Variants in LRRC4C observed in about 807,000 individuals in gnomAD.
The protein encoded by LRRC4C is leucine-rich repeat-containing protein 4C.
LRRC4C carries 5 observed loss-of-function variants against 33.6 expected under a neutral mutation model. That is an observed-to-expected ratio of 0.15 (90% CI 0.08 to 0.31). The LOEUF is 0.31. Ranked by LOEUF, LRRC4C falls within the 10% of genes least tolerant of loss-of-function variation. The pLI is 1.00. For synonymous variants in LRRC4C, 329 were observed against 302.0 expected (o/e 1.09, Z -0.93); for missense variants, 560 against 796.7 (o/e 0.70, Z 3.58).
At chr11:40,338,032 A>T (rs1946706988) in intron 3 of LRRC4C, among the ~76,000 whole-genome samples, 1 of 152,212 alleles carries the variant, frequency 6.6e-6, no homozygotes, top group African/African-American at 2.4e-5. Context: ...AAACTGTGGA[A>T]ATCTTGTTTT....
chr11:40,147,274 C>G (rs961520390), intron 5 of LRRC4C, among the ~76,000 whole-genome samples: 1 of 152,178 alleles, frequency 6.6e-6, no homozygotes, highest in Non-Finnish European at 1.5e-5. Context: ...AAGTTCTACT[C>G]TGTACCCTAT....
At position 40,407,465 on chromosome 11, in the gene LRRC4C, A is replaced by G. The variant is rs573860060; in HGVS notation, c.-269-87744T>C. Among the ~76,000 whole-genome samples, 22 of 152,242 alleles carry G rather than the reference A, an allele frequency of 1.4e-4. No homozygotes were observed. In the South Asian group the frequency reaches 3.7e-3, roughly 26 times the overall value. ...AATTCTTCAGGGAGGTGATGTTTCAATGCATGAGGATCAAAGGAAATCTCC... is the reference window on the plus strand; with the variant it reads ...AATTCTTCAGGGAGGTGATGTTTCAGTGCATGAGGATCAAAGGAAATCTCC... On this transcript the variant is annotated intron_variant, in intron 3 of 6. Coordinates refer to ENST00000528697, the MANE Select transcript of LRRC4C (RefSeq NM_001258419.2).
chr11:40,173,356 G>A (rs555915826), intron 5 of LRRC4C, among the ~76,000 whole-genome samples: 48 of 152,310 alleles, frequency 3.2e-4, no homozygotes, highest in African/African-American at 1.1e-3. Context: ...AAGAGGCAAA[G>A]ACCTGCATGT....
chr11:41,257,147 C>T (rs1948828067), intron 1 of LRRC4C, among the ~76,000 whole-genome samples: 1 of 151,926 alleles, frequency 6.6e-6, no homozygotes, highest in East Asian at 1.9e-4. Flanking sequence ...CTATCACACA[C>T]TGAGTATCCC....
chr11:41,044,561 C>T (rs1384059758), intron 1 of LRRC4C, among the ~76,000 whole-genome samples: 1 of 152,056 alleles, frequency 6.6e-6, no homozygotes, highest in African/African-American at 2.4e-5. Context: ...CATCAAGGAA[C>T]TTACAAAGGT....
chr11:40,543,930 C>T (rs898897879), intron 3 of LRRC4C, among the ~76,000 whole-genome samples: 1 of 151,878 alleles, frequency 6.6e-6, no homozygotes, highest in Admixed American at 6.6e-5. Flanking sequence ...TCCTGTCTTC[C>T]ATAACAATTT....
intron 1 of LRRC4C, among the ~76,000 whole-genome samples, chr11:41,033,142 T>C (rs1380593322): frequency 6.6e-6 from 1 of 151,922 alleles, no homozygotes; most frequent in African/African-American, 2.4e-5. Flanking sequence ...GAGATCTAAC[T>C]GGCTTGTTAC....
intron 1 of LRRC4C, among the ~76,000 whole-genome samples, chr11:41,325,575 T>TGTGTGTGTG (rs369877294): frequency 5.1e-5 from 6 of 117,544 alleles, no homozygotes; most frequent in African/African-American, 1.6e-4. Context: ...AGTTTTTTTT[T>TGTGTGTGTG]TTTGTGTGTG....
intron 3 of LRRC4C, among the ~76,000 whole-genome samples, chr11:40,394,962 T>A (rs769436360): frequency 6.6e-6 from 1 of 152,134 alleles, no homozygotes; most frequent in Non-Finnish European, 1.5e-5. Flanking sequence ...ATCCAACTAT[T>A]GGCCTTCAGA....
chr11:40,809,220 C>T (rs774399342), intron 2 of LRRC4C, among the ~76,000 whole-genome samples: 2 of 152,178 alleles, frequency 1.3e-5, no homozygotes, highest in Non-Finnish European at 2.9e-5. Flanking sequence ...TTCAACCTGG[C>T]TTCCTTCTCC....
At chr11:41,205,388 G>C (rs1946557844) in intron 1 of LRRC4C, among the ~76,000 whole-genome samples, 1 of 152,106 alleles carries the variant, frequency 6.6e-6, no homozygotes, top group Non-Finnish European at 1.5e-5. Flanking sequence ...CCAACTTGGG[G>C]GCTCCTGAAA....
At chr11:41,281,080 T>TCTCTCTCTCTCTCTCTC (rs1949657717) in intron 1 of LRRC4C, among the ~76,000 whole-genome samples, 1 of 104,500 alleles carries the variant, frequency 9.6e-6, no homozygotes, top group Non-Finnish European at 1.8e-5. Flanking sequence ...CTCTCTGTCC[T>TCTCTCTCTCTCTCTCTC]CTCTCTCTCT....
At chr11:41,417,223 G>T (rs1402422358) in intron 1 of LRRC4C, among the ~76,000 whole-genome samples, 1 of 152,004 alleles carries the variant, frequency 6.6e-6, no homozygotes, top group Non-Finnish European at 1.5e-5. Flanking sequence ...CCGGAAATAG[G>T]ATATAAATGA....
At chr11:40,456,461 A>G (rs1340974795) in intron 3 of LRRC4C, among the ~76,000 whole-genome samples, 2 of 152,096 alleles carry the variant, frequency 1.3e-5, no homozygotes, top group African/African-American at 4.8e-5. Flanking sequence ...AAAAAAAGTC[A>G]AGGAAATCTC....
intron 3 of LRRC4C, among the ~76,000 whole-genome samples, chr11:40,436,564 G>A (rs1365523070): frequency 6.6e-6 from 1 of 152,154 alleles, no homozygotes; most frequent in Non-Finnish European, 1.5e-5. Flanking sequence ...CCTGCTTGAA[G>A]AGCCTGGTGT....
At chr11:41,315,937 A>G (rs1434598138) in intron 1 of LRRC4C, among the ~76,000 whole-genome samples, 1 of 152,192 alleles carries the variant, frequency 6.6e-6, no homozygotes, top group Admixed American at 6.5e-5. Flanking sequence ...TAATTTAAAT[A>G]TGTTTAATAC....
chr11:40,602,211 G>GA (rs58437674), intron 3 of LRRC4C, among the ~76,000 whole-genome samples: 53,462 of 138,154 alleles, frequency 0.39, 12,131 homozygotes, highest in Middle Eastern at 0.52. Flanking sequence ...AAAAAAAAAA[G>GA]AAAAAAAAAG....
intron 1 of LRRC4C, among the ~76,000 whole-genome samples, chr11:41,291,888 T>A (rs1436842102): frequency 6.6e-6 from 1 of 152,194 alleles, no homozygotes; most frequent in African/African-American, 2.4e-5. Context: ...TAGAGATTTC[T>A]TCATATAAAA....
At chr11:41,371,960 C>A (rs1952764017) in intron 1 of LRRC4C, among the ~76,000 whole-genome samples, 1 of 152,142 alleles carries the variant, frequency 6.6e-6, no homozygotes, top group Non-Finnish European at 1.5e-5. Flanking sequence ...ATGGTGAAAC[C>A]CCGTCTCTAC....
Sources: gnomAD v4.1 joint callset for allele counts (sites outside exome capture counted in the v4.1 genomes callset) on GRCh38, gnomAD v4.1.1 for gene constraint, MANE v1.5 for transcripts, NCBI Gene and HGNC (gene_info 2026-07-23, HGNC 2026-07-21) for gene names.